Variants in SORCS1 observed in about 807,000 individuals in gnomAD.
The protein encoded by SORCS1 is sortilin related VPS10 domain containing receptor 1.
A neutral mutation model predicts 146.1 loss-of-function variants in SORCS1; 60 were observed. That is an observed-to-expected ratio of 0.41 (90% CI 0.33 to 0.51). The LOEUF is 0.51. SORCS1 is among the 20% of genes least tolerant of loss of function. The probability of loss-of-function intolerance (pLI) is 0.21; values close to 1 mark genes in which losing one functional copy is unlikely to be tolerated. For synonymous variants in SORCS1, 637 were observed against 584.0 expected (o/e 1.09, Z -1.31); for missense variants, 1,352 against 1,487.6 (o/e 0.91, Z 1.50).
intron 1 of SORCS1, among the ~76,000 whole-genome samples, chr10:106,979,412 T>C (rs1956162607): frequency 6.6e-6 from 1 of 152,184 alleles, no homozygotes; most frequent in South Asian, 2.1e-4. Context: ...TTTTATATTG[T>C]ATCAGATGAA....
At chr10:106,983,353 GAT>G (rs989994051) in intron 1 of SORCS1, among the ~76,000 whole-genome samples, 1 of 150,878 alleles carries the variant, frequency 6.6e-6, no homozygotes, top group Non-Finnish European at 1.5e-5. Flanking sequence ...ATAATATTCT[GAT>G]ATATATATAG....
intron 2 of SORCS1, among the ~76,000 whole-genome samples, chr10:106,950,231 T>C (rs1301743113): frequency 6.6e-6 from 1 of 152,222 alleles, no homozygotes; most frequent in Non-Finnish European, 1.5e-5. Context: ...GTGTAATCAA[T>C]GACAAGACCA....
chr10:106,577,350 G>T lies in SORCS1; in HGVS notation c.*70C>A, dbSNP rs1402203306. 1 of 1,612,292 alleles carries T rather than the reference G, an allele frequency of 6.2e-7. No individual in the cohort carries two copies. Among genetic ancestry groups the T allele is most frequent in the South Asian group, 1.1e-5 (1 of 90,670 alleles). Reference sequence around the variant, plus strand: ...AAACACAAAGTTAGTGGTCATGAAGGATGATGTACTTGACAAGAGCGAAAT... The same window carrying T: ...AAACACAAAGTTAGTGGTCATGAAGTATGATGTACTTGACAAGAGCGAAAT... On this transcript the variant is annotated 3_prime_UTR_variant, in exon 26 of 26. Transcript: ENST00000263054.
intron 2 of SORCS1, among the ~76,000 whole-genome samples, chr10:106,885,355 C>G (rs947364287): frequency 2.0e-5 from 3 of 152,044 alleles, no homozygotes; most frequent in African/African-American, 7.2e-5. Context: ...AGCCTCAGAT[C>G]AAATAGAACT....
chr10:107,048,656 A>C (rs1205477032), intron 1 of SORCS1, among the ~76,000 whole-genome samples: 2 of 152,172 alleles, frequency 1.3e-5, no homozygotes, highest in Non-Finnish European at 2.9e-5. Flanking sequence ...TTCAGAGTTG[A>C]GCTATCTCCC....
chr10:106,840,826 C>T (rs939254530), intron 2 of SORCS1, among the ~76,000 whole-genome samples: 2 of 146,718 alleles, frequency 1.4e-5, no homozygotes, highest in Non-Finnish European at 3.0e-5. Context: ...TAATAATTCA[C>T]ATTTTTTAGT....
chr10:106,686,916 C>T (rs73378380), intron 10 of SORCS1, among the ~76,000 whole-genome samples: 3,652 of 152,188 alleles, frequency 0.024, 159 homozygotes, highest in African/African-American at 0.084. Context: ...AAGTCAGAAC[C>T]GCATGAAGAG....
intron 21 of SORCS1, among the ~76,000 whole-genome samples, chr10:106,617,025 G>A (rs960429667): frequency 2.0e-5 from 3 of 151,636 alleles, no homozygotes; most frequent in Admixed American, 6.6e-5. Flanking sequence ...CGCGATCTTG[G>A]TTCAGTGCAG....
At chr10:106,856,837 C>T (rs1436292597) in intron 2 of SORCS1, among the ~76,000 whole-genome samples, 2 of 152,210 alleles carry the variant, frequency 1.3e-5, no homozygotes, top group Non-Finnish European at 2.9e-5. Flanking sequence ...TGTTGAGTTT[C>T]TGCTCAGGTA....
chr10:106,606,086 C>T lies in SORCS1; in HGVS notation c.3165+1080G>A, dbSNP rs546522815. ...AAGAACTGATAAATCAAAATCATTT[C>T]GTTTCTAAAAGTGCAACTAGGCCAA... is the stretch of plus-strand genomic sequence containing the variant. On this transcript the variant is annotated intron_variant, in intron 23 of 25. Coordinates refer to ENST00000263054, the MANE Select transcript of SORCS1 (RefSeq NM_052918.5). 7.5e-4 allele frequency among the ~76,000 whole-genome samples: 114 copies of T among 152,154 alleles called. 2 individuals carry two copies. In the South Asian group the frequency reaches 0.022, roughly 30 times the overall value.
intron 1 of SORCS1, among the ~76,000 whole-genome samples, chr10:107,080,278 G>A (rs77750440): frequency 0.01 from 1,532 of 152,190 alleles, 23 homozygotes; most frequent in African/African-American, 0.035. Context: ...CCAAGCAAGC[G>A]TTTTCTGTTA....
chr10:106,925,092 T>C (rs1952948472), intron 2 of SORCS1, among the ~76,000 whole-genome samples: 1 of 152,374 alleles, frequency 6.6e-6, no homozygotes, highest in Non-Finnish European at 1.5e-5. Flanking sequence ...TTTGTAATGA[T>C]TGAGTATTTG....
At chr10:106,911,528 C>G (rs1232918270) in intron 2 of SORCS1, among the ~76,000 whole-genome samples, 1 of 152,036 alleles carries the variant, frequency 6.6e-6, no homozygotes, top group Admixed American at 6.6e-5. Context: ...TACCAGAGAA[C>G]CAGGATCACG....
chr10:106,667,865 C>G, intron 16 of SORCS1, 63 bp from the exon 17 acceptor site: 1 of 1,126,802 alleles, frequency 8.9e-7, no homozygotes, highest in South Asian at 1.3e-5. Context: ...AACAATTCTA[C>G]ATCAGTCCAC....
At chr10:107,109,643 C>G (rs1965551322) in intron 1 of SORCS1, among the ~76,000 whole-genome samples, 1 of 152,194 alleles carries the variant, frequency 6.6e-6, no homozygotes, top group South Asian at 2.1e-4. Flanking sequence ...TTTCCCCATT[C>G]TCTGGGATAT....
At chr10:107,161,194 C>T (rs777819762) in intron 1 of SORCS1, among the ~76,000 whole-genome samples, 23 of 152,292 alleles carry the variant, frequency 1.5e-4, no homozygotes, top group Non-Finnish European at 2.9e-5. Flanking sequence ...GAATTCCTCA[C>T]CAGATTGACA....
chr10:107,044,266 G>C (rs1350824561), intron 1 of SORCS1, among the ~76,000 whole-genome samples: 1 of 151,808 alleles, frequency 6.6e-6, no homozygotes, highest in Non-Finnish European at 1.5e-5. Flanking sequence ...AGAAAACAAG[G>C]AAAAGGAAAA....
At chr10:106,820,895 C>T (rs945507494) in intron 3 of SORCS1, among the ~76,000 whole-genome samples, 5 of 152,140 alleles carry the variant, frequency 3.3e-5, no homozygotes, top group Non-Finnish European at 5.9e-5. Context: ...TAACTTGGAA[C>T]CAACCAGAAA....
At chr10:106,944,874 CTTTTTTTTT>C (rs765355110) in intron 2 of SORCS1, among the ~76,000 whole-genome samples, 8 of 36,614 alleles carry the variant, frequency 2.2e-4, no homozygotes, top group East Asian at 1.0e-3. Context: ...AAAGAGCCTT[CTTTTTTTTT>C]TTTTTTTTTT....
Sources: allele counts gnomAD v4.1 joint callset (sites outside exome capture counted in the v4.1 genomes callset), GRCh38; gene constraint gnomAD v4.1.1; transcripts MANE v1.5; gene names NCBI Gene and HGNC (gene_info 2026-07-23, HGNC 2026-07-21).